Variants in DAAM1 observed in about 807,000 individuals in gnomAD.
DAAM1 encodes dishevelled associated activator of morphogenesis 1.
DAAM1 carries 52 observed loss-of-function variants against 130.0 expected under a neutral mutation model. The observed-to-expected ratio is 0.40, with a 90% confidence interval of 0.32 to 0.50. The LOEUF is 0.50. Among genes scored for constraint, DAAM1 ranks in the 20% least tolerant of loss-of-function variants. The pLI, the probability that DAAM1 is intolerant of heterozygous loss-of-function variation, is 0.61. For synonymous variants in DAAM1, 452 were observed against 444.5 expected, an observed-to-expected ratio of 1.02 and a Z score of -0.21; for missense variants, 1,134 against 1,303.8, an observed-to-expected ratio of 0.87 and a Z score of 2.01.
chr14:59,344,907 A>G (rs1008120647), intron 16 of DAAM1, among the ~76,000 whole-genome samples: 2 of 152,144 alleles, frequency 1.3e-5, no homozygotes, highest in East Asian at 1.9e-4. Flanking sequence ...GAACTACACC[A>G]TAAAATGGTT....
chr14:59,318,010 A>G (rs1324906566), intron 4 of DAAM1, among the ~76,000 whole-genome samples: 2 of 152,210 alleles, frequency 1.3e-5, no homozygotes, highest in East Asian at 1.9e-4. Context: ...TAGTCTGTGA[A>G]GCCAGCCTTT....
chr14:59,285,759 C>A (rs1883422351), intron 2 of DAAM1, among the ~76,000 whole-genome samples: 1 of 152,092 alleles, frequency 6.6e-6, no homozygotes, highest in African/African-American at 2.4e-5. Flanking sequence ...TATTGGAGCA[C>A]CCAGATTCAT....
At position 59,368,981 on chromosome 14, in the gene DAAM1, G is replaced by T. The variant is rs527480746; in HGVS notation, c.*122G>T. The T allele has an allele frequency of 2.6e-6, 2 of 761,670 alleles. No individual in the cohort carries two copies. Among genetic ancestry groups the T allele is most frequent in the South Asian group, 3.7e-5 (2 of 53,642 alleles). The allele number at this position is 761,670 out of a possible 1,614,324, so 47.2% of individuals were successfully genotyped here. Reference sequence around the variant, plus strand: ...TTTTTTCCTTCATCTGTGAGTGAATGTGTGAACGTGTGTATGTAAATGTAT... The same window carrying T: ...TTTTTTCCTTCATCTGTGAGTGAATTTGTGAACGTGTGTATGTAAATGTAT... On this transcript the variant is annotated 3_prime_UTR_variant, in exon 25 of 25. Transcript: ENST00000360909.
At chr14:59,318,462 GA>G (rs936944679) in intron 4 of DAAM1, among the ~76,000 whole-genome samples, 21 of 149,992 alleles carry the variant, frequency 1.4e-4, no homozygotes, top group African/African-American at 4.9e-4. Flanking sequence ...AGCATTCAAA[GA>G]AGCCTCCACA....
At chr14:59,323,522 T>A (rs17096077) in intron 6 of DAAM1, among the ~76,000 whole-genome samples, 9,598 of 152,236 alleles carry the variant, frequency 0.063, 399 homozygotes, top group Non-Finnish European at 0.094. Flanking sequence ...TCCCTGAAAA[T>A]TTTACAGCTT....
At chr14:59,352,259 G>T (rs541340879) in intron 17 of DAAM1, among the ~76,000 whole-genome samples, 11 of 152,318 alleles carry the variant, frequency 7.2e-5, no homozygotes, top group African/African-American at 2.6e-4. Flanking sequence ...TGAAAAAGAG[G>T]TTCCAGTAGA....
At chr14:59,321,990 CGTT>C (rs1301964222) in intron 5 of DAAM1, among the ~76,000 whole-genome samples, 4 of 151,964 alleles carry the variant, frequency 2.6e-5, no homozygotes, top group African/African-American at 9.7e-5. Flanking sequence ...ATATTAATAA[CGTT>C]AGTATGCAAC....
chr14:59,204,107 G>T (rs182808670), intron 1 of DAAM1, among the ~76,000 whole-genome samples: 3 of 152,316 alleles, frequency 2.0e-5, no homozygotes, highest in Admixed American at 1.3e-4. Flanking sequence ...TTATGAAGGT[G>T]TATTAGTTTT....
chr14:59,233,103 G>A (rs1889166044), intron 1 of DAAM1, among the ~76,000 whole-genome samples: 1 of 152,150 alleles, frequency 6.6e-6, no homozygotes, highest in Non-Finnish European at 1.5e-5. Flanking sequence ...AAACATACAT[G>A]TGCATGTGTC....
chr14:59,307,091 C>T (rs1238756928), intron 3 of DAAM1, among the ~76,000 whole-genome samples: 1 of 152,158 alleles, frequency 6.6e-6, no homozygotes, highest in Non-Finnish European at 1.5e-5. Flanking sequence ...TTTTGTTTTG[C>T]TAAGCTGCAG....
chr14:59,357,125 G>A (rs542571606), intron 20 of DAAM1, among the ~76,000 whole-genome samples: 2 of 152,350 alleles, frequency 1.3e-5, no homozygotes, highest in African/African-American at 4.8e-5. Context: ...TTTGCATTTA[G>A]TCAAATGAGG....
At position 59,368,891 on chromosome 14, in the gene DAAM1, A is replaced by C. The variant is rs775922743; in HGVS notation, c.*32A>C. 3.2e-4 allele frequency: 515 copies of C among 1,599,194 alleles called. No individual in the cohort carries two copies. Among genetic ancestry groups the C allele is most frequent in the Non-Finnish European group, 4.0e-4 (473 of 1,169,696 alleles). On this transcript the variant is annotated 3_prime_UTR_variant, in exon 25 of 25. Coordinates refer to ENST00000360909, the MANE Select transcript of DAAM1 (RefSeq NM_001270520.2). ...ATGAATACTTTTTTTTAGAAAGCTC[A>C]TTAGCAGCCCTCTAAAGTGACTAGA...
At chr14:59,337,614 C>G (rs1298824842) in intron 15 of DAAM1, among the ~76,000 whole-genome samples, 1 of 152,216 alleles carries the variant, frequency 6.6e-6, no homozygotes, top group Non-Finnish European at 1.5e-5. Flanking sequence ...TGTCAGTTAC[C>G]TCTTCCTCGT....
At chr14:59,326,428 A>C (rs1220939848) in intron 10 of DAAM1, 82 bp from the exon 11 acceptor site, 2 of 1,424,510 alleles carry the variant, frequency 1.4e-6, no homozygotes, top group East Asian at 4.6e-5. Flanking sequence ...GGTGGCTTTA[A>C]AGGGTGACCA....
intron 1 of DAAM1, among the ~76,000 whole-genome samples, chr14:59,251,601 A>G (rs1366312013): frequency 6.6e-6 from 1 of 152,174 alleles, no homozygotes. Context: ...TAGCTGACAT[A>G]CCAACTTAAT....
chr14:59,325,740 C>T lies in DAAM1; in HGVS notation c.1056+10C>T. 1 of 1,613,334 alleles carries T rather than the reference C, an allele frequency of 6.2e-7. No homozygotes were observed. Among genetic ancestry groups the T allele is most frequent in the Non-Finnish European group, 8.5e-7 (1 of 1,179,386 alleles). On this transcript the variant is annotated intron_variant, in intron 9 of 24. Transcript: ENST00000360909. ...CAAAAGATTTGAACTGGTACGTATG[C>T]TTACAATTATTCTGGTTTGATTCAT...
intron 3 of DAAM1, among the ~76,000 whole-genome samples, chr14:59,301,844 G>A (rs1053610477): frequency 1.3e-5 from 2 of 152,116 alleles, no homozygotes; most frequent in Non-Finnish European, 2.9e-5. Context: ...TCAATTTATG[G>A]ATTTGGGGTT....
At chr14:59,192,846 C>T (rs1355074003) in intron 1 of DAAM1, among the ~76,000 whole-genome samples, 1 of 152,158 alleles carries the variant, frequency 6.6e-6, no homozygotes, top group African/African-American at 2.4e-5. Context: ...GAGGTCAGGA[C>T]ATCGAGACCA....
intron 15 of DAAM1, chr14:59,338,266 C>A: frequency 9.9e-7 from 1 of 1,006,804 alleles, no homozygotes; most frequent in Non-Finnish European, 1.5e-6. Flanking sequence ...GGGCATAAAT[C>A]ATCTCTTACC....
Sources: allele counts gnomAD v4.1 joint callset (sites outside exome capture counted in the v4.1 genomes callset), GRCh38; gene constraint gnomAD v4.1.1; transcripts MANE v1.5; gene names NCBI Gene and HGNC (gene_info 2026-07-23, HGNC 2026-07-21).